E2F2: variants seen among roughly 807,000 people sequenced by gnomAD.
The protein encoded by E2F2 is E2F transcription factor 2.
In E2F2, 22 loss-of-function variants were observed where a neutral mutation model predicts 42.2. The observed-to-expected ratio is 0.52, with a 90% CI of 0.37 to 0.74. E2F2 has a LOEUF of 0.74. Ranked by LOEUF, E2F2 falls within the 30% of genes least tolerant of loss-of-function variation. The pLI is 0.00. For synonymous variants in E2F2, 248 were observed against 251.6 expected (o/e 0.99, Z 0.13); for missense variants, 481 against 557.8 (o/e 0.86, Z 1.39).
chr1:23,509,832 G>A lies in E2F2; in HGVS notation c.*48C>T. The A allele has an allele frequency of 1.3e-6, 2 of 1,508,602 alleles. No individual in the cohort carries two copies. Among genetic ancestry groups the A allele is most frequent in the Admixed American group, 4.4e-5 (2 of 45,626 alleles). 93.5% of individuals were successfully genotyped at this position (1,508,602 alleles called of 1,614,324 possible). ...AGGCAGAGGGGCTGTCAGCCTGTCT[G>A]TGAGGAGGTAGAGTCGGGGGCAGGC... On this transcript the variant is annotated 3_prime_UTR_variant, in exon 7 of 7. Coordinates refer to ENST00000361729, the MANE Select transcript of E2F2 (RefSeq NM_004091.4).
At chr1:23,511,391 T>G (rs973695293) in intron 6 of E2F2, among the ~76,000 whole-genome samples, 5 of 151,996 alleles carry the variant, frequency 3.3e-5, no homozygotes, top group Non-Finnish European at 7.4e-5. Context: ...CGTGCCACCA[T>G]GCCCATCCAA....
rs1642831900 is a variant in E2F2 at position 23,507,878 on chromosome 1, C to A, written c.*2002G>T. On this transcript the variant is annotated 3_prime_UTR_variant, in exon 7 of 7. Transcript: ENST00000361729. ...CTTCTTCCTTTTCTCTGATGTAATT[C>A]TTGGGGAAAGCTCCAGAGCCCAAGG... is the stretch of plus-strand genomic sequence containing the variant. 6.6e-6 allele frequency: 1 copy of A among 152,266 alleles called. No homozygotes were observed. The highest frequency in any genetic ancestry group is 2.4e-5 in the African/African-American group (1 of 41,440). 9.4% of individuals were successfully genotyped at this position (152,266 alleles called of 1,614,324 possible).
In E2F2 at chr1:23,523,758, G is replaced by A. The variant is rs1204207775; in HGVS notation, c.358+625C>T. On this transcript the variant is annotated intron_variant, in intron 2 of 6. Transcript: ENST00000361729. The stretch of plus-strand genomic sequence containing the variant: ...TGGTCATTGAGTTTAGATCATGAGA[G>A]CAGTACATGGTATGGTAGAAGTAGT... Among the ~76,000 whole-genome samples the A allele has an allele frequency of 4.6e-5, 7 of 152,140 alleles. No homozygotes were observed. In the East Asian group the frequency reaches 1.3e-3, roughly 29 times the overall value.
At chr1:23,517,003 C>T (rs185888105) in intron 5 of E2F2, among the ~76,000 whole-genome samples, 10 of 152,252 alleles carry the variant, frequency 6.6e-5, no homozygotes, top group African/African-American at 2.2e-4. Flanking sequence ...TAAAAGCTAC[C>T]TCTACCACCA....
Position 23,520,904 on chromosome 1 carries a change from G to A in E2F2, c.737+9C>T. ...CTCCCTGACACCTTCCCCCAACCAA[G>A]GAGGATATCTCTTGTTGGCCTTGTC... On this transcript the variant is annotated intron_variant, in intron 4 of 6. Transcript: ENST00000361729. The A allele has an allele frequency of 6.4e-7, 1 of 1,562,028 alleles. No individual in the cohort carries two copies. Among genetic ancestry groups the A allele is most frequent in the Non-Finnish European group, 8.7e-7 (1 of 1,153,150 alleles).
In E2F2 at chr1:23,520,243, C is replaced by CAAAAAAAA. The variant is rs66460864; in HGVS notation, c.737+662_737+669dup. ...CCTGGGCAAGAGTGAGACTCTGTCTCAAAAAAAAAAAAAAAAAAAAAAAAA... is the reference window on the plus strand; with the variant it reads ...CCTGGGCAAGAGTGAGACTCTGTCTCAAAAAAAAAAAAAAAAAAAAAAAAAAAAAAAAA... On this transcript the variant is annotated intron_variant, in intron 4 of 6. Transcript: ENST00000361729. Among the ~76,000 whole-genome samples, 13 of 78,870 alleles carry CAAAAAAAA rather than the reference C, an allele frequency of 1.6e-4. 1 individual carries two copies. Among genetic ancestry groups the CAAAAAAAA allele is most frequent in the African/African-American group, 7.4e-4 (9 of 12,134 alleles). 51.7% of individuals were successfully genotyped at this position (78,870 alleles called of 152,430 possible). A position where few individuals can be genotyped will look rare whatever the true frequency, so the allele number is the denominator to read the frequency against.
chr1:23,526,926 C>G (rs1435405285), intron 1 of E2F2, among the ~76,000 whole-genome samples: 1 of 152,132 alleles, frequency 6.6e-6, no homozygotes, highest in Non-Finnish European at 1.5e-5. Context: ...TTCTGCACTC[C>G]CAGGGTCCCA....
intron 5 of E2F2, 35 bp downstream of exon 5, chr1:23,518,981 C>G (rs1486487946): frequency 6.4e-7 from 1 of 1,571,422 alleles, no homozygotes; most frequent in Non-Finnish European, 8.7e-7. Flanking sequence ...GGCAGGGTCT[C>G]AACCCTGCTC....
intron 3 of E2F2, 123 bp from the exon 4 acceptor site, chr1:23,521,194 CAG>C: frequency 8.6e-7 from 1 of 1,162,442 alleles, no homozygotes. Context: ...GCCTGTCTCT[CAG>C]GGAGCTACCA....
intron 1 of E2F2, among the ~76,000 whole-genome samples, chr1:23,526,851 GCACACACACACA>G (rs3221150): frequency 6.7e-6 from 1 of 148,720 alleles, no homozygotes; most frequent in Non-Finnish European, 1.5e-5. Flanking sequence ...GCATGTACTT[GCACACACACACA>G]CACACACACA....
intron 1 of E2F2, among the ~76,000 whole-genome samples, chr1:23,529,150 G>C (rs1279553914): frequency 2.0e-5 from 3 of 152,166 alleles, no homozygotes; most frequent in Non-Finnish European, 4.4e-5. Flanking sequence ...CCCTCTCTGA[G>C]CCTCAGTTTC....
intron 6 of E2F2, 64 bp downstream of exon 6, chr1:23,516,271 A>T: frequency 7.1e-7 from 1 of 1,410,984 alleles, no homozygotes; most frequent in Admixed American, 3.3e-5. Context: ...AAACATTGAT[A>T]TAGAAGAGAA....
At chr1:23,521,570 A>G (rs1223541693) in intron 3 of E2F2, 1 of 984,712 alleles carries the variant, frequency 1.0e-6, no homozygotes, top group East Asian at 1.1e-4. Flanking sequence ...TGGCCTTTAC[A>G]CCTCCCAGAT....
chr1:23,517,731 A>G (rs1643052326), intron 5 of E2F2, among the ~76,000 whole-genome samples: 1 of 152,264 alleles, frequency 6.6e-6, no homozygotes, highest in Non-Finnish European at 1.5e-5. Context: ...AGGCAGCGGA[A>G]AAGCACAGGT....
intron 4 of E2F2, among the ~76,000 whole-genome samples, chr1:23,520,562 A>G (rs1156727907): frequency 6.6e-6 from 1 of 151,986 alleles, no homozygotes; most frequent in Non-Finnish European, 1.5e-5. Flanking sequence ...TGGGCAACAA[A>G]GCGAGACCCT....
intron 6 of E2F2, among the ~76,000 whole-genome samples, chr1:23,512,504 C>G (rs1259971540): frequency 6.6e-6 from 1 of 152,170 alleles, no homozygotes; most frequent in East Asian, 1.9e-4. Flanking sequence ...ATGTTACAGT[C>G]AGAGGCCTGG....
rs976627844 is a variant in E2F2 at position 23,521,867 on chromosome 1, C to T, written c.548G>A (p.Arg183His). Reference sequence around the variant, plus strand: ...CTGGATGTTGTTCTTGGCCTTCTTGCGGATGAGCTGGATGCCTTCCAGCAC... The same window carrying T: ...CTGGATGTTGTTCTTGGCCTTCTTGTGGATGAGCTGGATGCCTTCCAGCAC... ...TNVLEGIQLI[R>H]KKAKNNIQWV... Residue 183 changes from arginine (R) to histidine (H), a missense_variant, in exon 3 of 7, where the codon CGC becomes CAC. Transcript: ENST00000361729. 8 of 1,613,956 alleles carry T rather than the reference C, an allele frequency of 5.0e-6. No individual in the cohort carries two copies. The highest frequency in any genetic ancestry group is 6.8e-6 in the Non-Finnish European group (8 of 1,180,028).
Position 23,530,721 on chromosome 1 carries a change from TG to T in E2F2, c.72del (p.Thr25GlnfsTer121), listed in dbSNP as rs1430561267. The T allele has an allele frequency of 6.2e-7, 1 of 1,605,176 alleles. No individual in the cohort carries two copies. The highest frequency in any genetic ancestry group is 1.1e-5 in the South Asian group (1 of 90,302). ...CTGAGGCCGGATGGCCACAGCTCTG[TG>T]GGGCTCATCGCGGGCACCACCTTCG... ...QTPKVVPAMS[P>X]TELWPSGLSS... On this transcript the variant is annotated frameshift_variant, in exon 1 of 7. Transcript: ENST00000361729. LOFTEE classifies it high-confidence loss of function. The surrounding 1 kb of genome is among the most constrained non-coding windows in gnomAD (Gnocchi z 4.4).
In E2F2 at chr1:23,526,016, C is replaced by T. The variant is rs186910105; in HGVS notation, c.253-1528G>A. 6.4e-4 allele frequency among the ~76,000 whole-genome samples: 97 copies of T among 152,026 alleles called. 1 individual carries two copies. Among genetic ancestry groups the T allele is most frequent in the African/African-American group, 2.2e-3 (93 of 41,382 alleles). ...TGCTGTCAGTTCCCCTTCCCCCACT[C>T]CTGCCCCCTCCAGGAAGTCTTCCTG... On this transcript the variant is annotated intron_variant, in intron 1 of 6. Coordinates refer to ENST00000361729, the MANE Select transcript of E2F2 (RefSeq NM_004091.4).
Sources: gnomAD v4.1 joint callset for allele counts (sites outside exome capture counted in the v4.1 genomes callset) on GRCh38, gnomAD v4.1.1 for gene constraint, Gnocchi (gnomAD v3.1) non-coding constraint, MANE v1.5 for transcripts, NCBI Gene and HGNC (gene_info 2026-07-23, HGNC 2026-07-21) for gene names.